JCAD: variants seen among roughly 807,000 people sequenced by gnomAD.
JCAD encodes junctional cadherin 5-associated protein.
JCAD carries 40 observed loss-of-function variants against 98.0 expected under a neutral mutation model. The observed-to-expected ratio is 0.41, with a 90% CI of 0.32 to 0.53. The LOEUF (loss-of-function observed/expected upper bound fraction) is 0.53, where lower values mean the gene tolerates loss of function less well. Among genes scored for constraint, JCAD ranks in the 20% least tolerant of loss-of-function variants. The pLI is 0.31. For synonymous variants in JCAD, 691 were observed against 682.3 expected, an observed-to-expected ratio of 1.01 and a Z score of -0.20; for missense variants, 1,705 against 1,738.1, an observed-to-expected ratio of 0.98 and a Z score of 0.34.
intron 3 of JCAD, among the ~76,000 whole-genome samples, chr10:30,022,909 G>A (rs565946061): frequency 6.6e-6 from 1 of 152,066 alleles, no homozygotes; most frequent in Non-Finnish European, 1.5e-5. Context: ...CTTCACATTC[G>A]GTCACCACTC....
chr10:30,047,093 AG>A (rs1346932779), intron 2 of JCAD, among the ~76,000 whole-genome samples: 6 of 152,264 alleles, frequency 3.9e-5, no homozygotes, highest in African/African-American at 1.4e-4. Flanking sequence ...TCTCTAAAAA[AG>A]GTGGCCGGGT....
chr10:30,018,093 A>T (rs530528706), intron 3 of JCAD, among the ~76,000 whole-genome samples, 176 bp from the exon 4 acceptor site: 8 of 152,320 alleles, frequency 5.3e-5, no homozygotes, highest in African/African-American at 1.4e-4. Context: ...TTTGTCAAAA[A>T]GGCTGTTTTC....
chr10:30,034,260 A>G (rs2066334), intron 2 of JCAD, among the ~76,000 whole-genome samples: 57,772 of 151,496 alleles, frequency 0.38, 11,062 homozygotes, highest in Middle Eastern at 0.45. Flanking sequence ...GATAATAACA[A>G]TAATTCTGTA....
rs578044603 is a variant in JCAD, at chr10:30,033,335, C to T, written c.282-3469G>A. Among the ~76,000 whole-genome samples, 6 of 152,318 alleles carry T rather than the reference C, an allele frequency of 3.9e-5. No homozygotes were observed. The East Asian group carries it at 1.2e-3, about 29-fold the overall frequency. ...CATTGATGTGGATTCTATTCTAAAA[C>T]ACTTTGAAAAACACTATTGTTCACA... is the stretch of plus-strand genomic sequence containing the variant. On this transcript the variant is annotated intron_variant, in intron 2 of 3. Transcript: ENST00000375377.
At chr10:30,045,165 G>GGGCTA (rs1247405334) in intron 2 of JCAD, among the ~76,000 whole-genome samples, 1 of 151,994 alleles carries the variant, frequency 6.6e-6, no homozygotes, top group African/African-American at 2.4e-5. Context: ...ACCACACAAG[G>GGGCTA]GGCTAGAAAG....
chr10:30,077,113 T>C (rs1837995898), intron 1 of JCAD, among the ~76,000 whole-genome samples: 2 of 152,140 alleles, frequency 1.3e-5, no homozygotes, highest in South Asian at 4.1e-4. Flanking sequence ...AGCCACAGCA[T>C]CAGTGAAACC....
At chr10:30,115,129 C>T (rs148053564) in intron 1 of JCAD, among the ~76,000 whole-genome samples, 5 of 152,154 alleles carry the variant, frequency 3.3e-5, no homozygotes, top group Admixed American at 6.5e-5. Flanking sequence ...GCGACTCCAA[C>T]GAAGCATCTC....
chr10:30,093,656 C>T (rs779141333), intron 1 of JCAD, among the ~76,000 whole-genome samples: 7 of 152,226 alleles, frequency 4.6e-5, no homozygotes, highest in Non-Finnish European at 1.0e-4. Flanking sequence ...ATCAGAGCCA[C>T]ACTCTGATCC....
At position 30,028,741 on chromosome 10, in the gene JCAD, C is replaced by T; in HGVS notation, c.1407G>A (p.Gln469=). The change falls in exon 3 of 4, where the codon CAG becomes CAA. Residue 469 remains glutamine (Q), a synonymous_variant. Coordinates refer to ENST00000375377, the MANE Select transcript of JCAD (RefSeq NM_020848.4). The stretch of plus-strand genomic sequence containing the variant: ...GTGGATTCCAAATGGCACCATCAGG[C>T]TGCATTCCTCCATGAGCCGGCTCTT... ...TAQEPAHGGM[Q]PDGAIWNPQS... 6.2e-7 allele frequency: 1 copy of T among 1,614,118 alleles called. No individual in the cohort carries two copies. The highest frequency in any genetic ancestry group is 8.5e-7 in the Non-Finnish European group (1 of 1,179,968).
chr10:30,039,444 G>A (rs1427003860), intron 2 of JCAD, among the ~76,000 whole-genome samples: 8 of 152,210 alleles, frequency 5.3e-5, no homozygotes, highest in Non-Finnish European at 1.0e-4. Context: ...CTGTACTGCA[G>A]GGACAGAATC....
rs1185932770 is a variant in JCAD at position 30,028,033 on chromosome 10, G to A, written c.2115C>T (p.Leu705=). ...FSEEPQSSQL[L]PGAKLGGPSR... Reference sequence around the variant, plus strand: ...TCGGCCCTCCCAGCTTTGCACCAGGGAGCAGCTGCGAACTTTGGGGCTCCT... The same window carrying A: ...TCGGCCCTCCCAGCTTTGCACCAGGAAGCAGCTGCGAACTTTGGGGCTCCT... Residue 705 remains leucine (L), a synonymous_variant, in exon 3 of 4, where the codon CTC becomes CTT. Coordinates refer to ENST00000375377, the MANE Select transcript of JCAD (RefSeq NM_020848.4). The A allele has an allele frequency of 1.9e-6, 3 of 1,614,120 alleles. No homozygotes were observed. The highest frequency in any genetic ancestry group is 1.3e-5 in the African/African-American group (1 of 74,950).
At chr10:30,096,731 T>C (rs538153644) in intron 1 of JCAD, among the ~76,000 whole-genome samples, 60 of 152,058 alleles carry the variant, frequency 3.9e-4, no homozygotes, top group African/African-American at 1.3e-3. Flanking sequence ...GGTGGCGTCA[T>C]GGAATGTCTC....
intron 1 of JCAD, among the ~76,000 whole-genome samples, chr10:30,100,522 C>A (rs1838452339): frequency 6.6e-6 from 1 of 152,204 alleles, no homozygotes; most frequent in Middle Eastern, 3.4e-3. Context: ...GCTGGTATTA[C>A]AGGCACCCAC....
chr10:30,110,549 T>A (rs1838676108), intron 1 of JCAD, among the ~76,000 whole-genome samples: 1 of 151,358 alleles, frequency 6.6e-6, no homozygotes, highest in Non-Finnish European at 1.5e-5. Flanking sequence ...ACAGCTGATG[T>A]ATGGACCCGC....
At chr10:30,022,648 C>A (rs1836687159) in intron 3 of JCAD, among the ~76,000 whole-genome samples, 1 of 152,154 alleles carries the variant, frequency 6.6e-6, no homozygotes, top group South Asian at 2.1e-4. Flanking sequence ...GCCACCTGAG[C>A]AAAACAAATG....
rs142453710 is a variant in JCAD at position 30,077,596 on chromosome 10, T to C, written n.129-7775A>G. ...ATTAAGCAATAACTCCCCATTCCCTTCAGCCCCTGATAACCTCTACTCTGT... is the reference window on the plus strand; with the variant it reads ...ATTAAGCAATAACTCCCCATTCCCTCCAGCCCCTGATAACCTCTACTCTGT... On this transcript the variant is annotated intron_variant and non_coding_transcript_variant, in intron 1 of 2. Coordinates refer to the JCAD transcript ENST00000465712. Among the ~76,000 whole-genome samples the C allele has an allele frequency of 8.4e-4, 128 of 152,302 alleles. 3 individuals carry two copies. In the East Asian group the frequency reaches 0.021, roughly 25 times the overall value.
In JCAD at chr10:30,092,057, A is replaced by ACATATATATATATATAT. The variant is rs1838281292; in HGVS notation, n.129-22237_129-22236insATATATATATATATATG. On this transcript the variant is annotated intron_variant and non_coding_transcript_variant, in intron 1 of 2. Transcript: ENST00000465712. ...CACAAAAAAAAAAAAAAAAAAAAAAAAAAAAAAATATATATATATATATAT... is the reference window on the plus strand; with the variant it reads ...CACAAAAAAAAAAAAAAAAAAAAAAACATATATATATATATATAAAAAAAATATATATATATATATAT... Among the ~76,000 whole-genome samples, 16 of 24,506 alleles carry ACATATATATATATATAT rather than the reference A, an allele frequency of 6.5e-4. 2 individuals are homozygous for ACATATATATATATATAT. The highest frequency in any genetic ancestry group is 1.5e-3 in the East Asian group (1 of 654). The allele number at this position is 24,506 out of a possible 152,430, so 16.1% of individuals were successfully genotyped here.
intron 1 of JCAD, among the ~76,000 whole-genome samples, chr10:30,076,867 C>T (rs1370390344): frequency 2.0e-5 from 3 of 151,958 alleles, no homozygotes; most frequent in African/African-American, 4.8e-5. Context: ...TAAGCTTGTG[C>T]GAACCAGCTA....
intron 2 of JCAD, among the ~76,000 whole-genome samples, chr10:30,031,778 G>T (rs1450770788): frequency 3.7e-5 from 3 of 81,482 alleles, no homozygotes; most frequent in East Asian, 3.5e-4. Flanking sequence ...TTTTTGAGAC[G>T]GAGTCTTGCT....
Sources: gnomAD v4.1 joint callset for allele counts (sites outside exome capture counted in the v4.1 genomes callset) on GRCh38, gnomAD v4.1.1 for gene constraint, MANE v1.5 for transcripts, NCBI Gene and HGNC (gene_info 2026-07-23, HGNC 2026-07-21) for gene names.